The following SLC35F4 variants were observed in gnomAD, a reference collection of about 807,000 sequenced individuals.
The protein encoded by SLC35F4 is solute carrier family 35 member F4, also known as chromosome 14 open reading frame 36.
A neutral mutation model predicts 44.2 loss-of-function variants in SLC35F4; 24 were observed. The ratio of observed to expected loss-of-function variants is 0.54; its 90% confidence interval spans 0.39 to 0.76. The LOEUF (loss-of-function observed/expected upper bound fraction) is 0.76, where lower values mean the gene tolerates loss of function less well. Among genes scored for constraint, SLC35F4 ranks in the 30% least tolerant of loss-of-function variants. SLC35F4 has a pLI of 0.00. For missense variants in SLC35F4, 562 were observed against 586.1 expected (o/e 0.96, Z 0.42); for synonymous variants, 238 against 223.6 (o/e 1.06, Z -0.57).
chr14:57,754,321 T>A (rs962113402), intron 1 of SLC35F4, among the ~76,000 whole-genome samples: 2 of 152,070 alleles, frequency 1.3e-5, no homozygotes, highest in African/African-American at 4.8e-5. Context: ...GCCAGTCTGG[T>A]CTCGAACTCC....
intron 1 of SLC35F4, among the ~76,000 whole-genome samples, chr14:57,726,525 C>T (rs528280760): frequency 2.0e-4 from 30 of 152,212 alleles, no homozygotes; most frequent in South Asian, 1.5e-3. Context: ...TATCACATGA[C>T]GTAAGATTTA....
intron 1 of SLC35F4, among the ~76,000 whole-genome samples, chr14:57,615,794 C>T (rs2071781285): frequency 5.0e-5 from 4 of 79,910 alleles, no homozygotes. Context: ...CTTTACAAAA[C>T]AATATTATGA....
At chr14:57,858,933 TAAA>T (rs112008222) in intron 1 of SLC35F4, among the ~76,000 whole-genome samples, 2 of 118,412 alleles carry the variant, frequency 1.7e-5, no homozygotes, top group African/African-American at 3.2e-5. Flanking sequence ...ACCTGATCTC[TAAA>T]AAAAAAAAAA....
intron 2 of SLC35F4, among the ~76,000 whole-genome samples, chr14:57,591,445 T>G (rs979922599): frequency 2.0e-5 from 3 of 152,214 alleles, no homozygotes; most frequent in African/African-American, 7.2e-5. Flanking sequence ...ATGTGGCTTA[T>G]GCAGAGAGTA....
At chr14:57,708,909 G>C (rs187854755) in intron 1 of SLC35F4, among the ~76,000 whole-genome samples, 30 of 152,232 alleles carry the variant, frequency 2.0e-4, no homozygotes, top group Non-Finnish European at 1.0e-4. Flanking sequence ...GGCAGAGAGA[G>C]AGAGGGAGAG....
intron 1 of SLC35F4, among the ~76,000 whole-genome samples, chr14:57,691,332 G>C (rs968097332): frequency 1.3e-5 from 2 of 152,156 alleles, no homozygotes; most frequent in Non-Finnish European, 2.9e-5. Flanking sequence ...TTTATACATT[G>C]AAGGTCAAAG....
chr14:57,741,317 T>C (rs112732103), intron 1 of SLC35F4, among the ~76,000 whole-genome samples: 5 of 152,058 alleles, frequency 3.3e-5, no homozygotes, highest in Admixed American at 6.6e-5. Context: ...TTTGAACCCA[T>C]TGCAAAATAA....
intron 1 of SLC35F4, among the ~76,000 whole-genome samples, chr14:57,856,832 C>T (rs1459176054): frequency 6.6e-6 from 1 of 152,034 alleles, no homozygotes; most frequent in Admixed American, 6.5e-5. Context: ...AATTTCATAA[C>T]TTGTTCCAGT....
At chr14:57,977,306 G>A (rs999283468) in intron 1 of SLC35F4, among the ~76,000 whole-genome samples, 58 of 152,310 alleles carry the variant, frequency 3.8e-4, no homozygotes, top group African/African-American at 1.3e-3. Flanking sequence ...CTGCTCTGCC[G>A]CTTGAACCAC....
At chr14:57,693,492 G>A (rs781387435) in intron 1 of SLC35F4, among the ~76,000 whole-genome samples, 3 of 152,320 alleles carry the variant, frequency 2.0e-5, no homozygotes, top group South Asian at 4.1e-4. Flanking sequence ...CAGCATGAGC[G>A]ATCTGTGCCT....
intron 3 of SLC35F4, among the ~76,000 whole-genome samples, chr14:57,584,980 T>G (rs1026116286): frequency 2.0e-5 from 3 of 152,196 alleles, no homozygotes; most frequent in African/African-American, 7.2e-5. Context: ...AATTTTACAA[T>G]GCAAGATCAT....
intron 1 of SLC35F4, among the ~76,000 whole-genome samples, chr14:57,784,181 A>G (rs1023153580): frequency 6.6e-6 from 1 of 152,224 alleles, no homozygotes; most frequent in Non-Finnish European, 1.5e-5. Flanking sequence ...TGAAGATGAC[A>G]TGATGGAGAT....
At chr14:57,924,541 T>C (rs808235) in intron 1 of SLC35F4, among the ~76,000 whole-genome samples, 58,737 of 151,780 alleles carry the variant, frequency 0.39, 11,548 homozygotes, top group African/African-American at 0.45. Flanking sequence ...CTCCGCCTCC[T>C]GGGTTCACAC....
chr14:57,955,560 T>A (rs540319740), intron 1 of SLC35F4, among the ~76,000 whole-genome samples: 1 of 152,120 alleles, frequency 6.6e-6, no homozygotes, highest in Non-Finnish European at 1.5e-5. Flanking sequence ...CAGCCGAAAA[T>A]CTCCTTAAGC....
chr14:57,797,942 T>G (rs2078093866), intron 1 of SLC35F4, among the ~76,000 whole-genome samples: 2 of 151,930 alleles, frequency 1.3e-5, no homozygotes, highest in Admixed American at 6.6e-5. Context: ...AATGTGCTTG[T>G]GCATTTGGGT....
intron 1 of SLC35F4, among the ~76,000 whole-genome samples, chr14:57,756,020 A>T (rs990908150): frequency 6.6e-6 from 1 of 152,068 alleles, no homozygotes; most frequent in African/African-American, 2.4e-5. Flanking sequence ...CTGCTAATCC[A>T]CTTCCCTTCA....
chr14:57,752,320 G>A (rs2076902871), intron 1 of SLC35F4, among the ~76,000 whole-genome samples: 2 of 152,074 alleles, frequency 1.3e-5, no homozygotes. Context: ...TCCCCAAAGA[G>A]GACTCCTTAA....
At chr14:57,578,822 T>C (rs898735134) in intron 4 of SLC35F4, 2 of 152,238 alleles carry the variant, frequency 1.3e-5, no homozygotes, top group African/African-American at 4.8e-5. Context: ...CTCTACTGAG[T>C]GTTATTAATT....
intron 1 of SLC35F4, among the ~76,000 whole-genome samples, chr14:57,933,416 T>C (rs1889736295): frequency 6.6e-6 from 1 of 152,184 alleles, no homozygotes; most frequent in Admixed American, 6.5e-5. Flanking sequence ...ACAGTCCTCC[T>C]AAGCCCATAC....
Sources: allele counts gnomAD v4.1 joint callset (sites outside exome capture counted in the v4.1 genomes callset), GRCh38; gene constraint gnomAD v4.1.1; transcripts MANE v1.5; gene names NCBI Gene and HGNC (gene_info 2026-07-23, HGNC 2026-07-21).